TNNI3K: variants seen among roughly 807,000 people sequenced by gnomAD.
TNNI3K encodes serine/threonine-protein kinase TNNI3K.
TNNI3K carries 140 observed loss-of-function variants against 114.5 expected under a neutral mutation model. That is an observed-to-expected ratio of 1.22 (90% CI 1.07 to 1.41). The LOEUF (loss-of-function observed/expected upper bound fraction) is 1.41, where lower values mean the gene tolerates loss of function less well. Among genes scored for constraint, TNNI3K ranks in the 40% most tolerant of loss-of-function variants. The pLI, the probability that TNNI3K is intolerant of heterozygous loss-of-function variation, is 0.00. For synonymous variants in TNNI3K, 347 were observed against 347.5 expected (o/e 1.00, Z 0.02); for missense variants, 1,125 against 1,007.6 (o/e 1.12, Z -1.58).
chr1:74,506,154 T>C (rs1669887311), intron 23 of TNNI3K, among the ~76,000 whole-genome samples: 1 of 152,088 alleles, frequency 6.6e-6, no homozygotes, highest in Non-Finnish European at 1.5e-5. Flanking sequence ...GGCCAAAGGA[T>C]AAAAAGAGAA....
chr1:74,449,255 G>T (rs1396485253), intron 20 of TNNI3K, among the ~76,000 whole-genome samples: 1 of 151,798 alleles, frequency 6.6e-6, no homozygotes, highest in African/African-American at 2.4e-5. Flanking sequence ...TTGCGTAGAG[G>T]TGTTTGTAGT....
chr1:74,416,313 C>T, intron 17 of TNNI3K: 1 of 985,256 alleles, frequency 1.0e-6, no homozygotes. Context: ...GTAGGCACTA[C>T]CAAAAAGGGA....
Position 74,464,609 on chromosome 1 carries a change from G to T in TNNI3K, c.2121+1059G>T, listed in dbSNP as rs1320480753. On this transcript the variant is annotated intron_variant, in intron 21 of 24. Coordinates refer to ENST00000326637, the MANE Select transcript of TNNI3K (RefSeq NM_015978.3). ...CAGTCCAGATGTTTGAAAAGAGAATGCAAATTTTCCATTCTTTTCCTAAAG... is the reference window on the plus strand; with the variant it reads ...CAGTCCAGATGTTTGAAAAGAGAATTCAAATTTTCCATTCTTTTCCTAAAG... The T allele has an allele frequency of 1.9e-6, 3 of 1,546,324 alleles. No individual in the cohort carries two copies. In the African/African-American group the frequency reaches 4.1e-5, roughly 21 times the overall value.
rs577300569 is a variant in TNNI3K at position 74,237,299 on chromosome 1, G to C, written c.149+1089G>C. Among the ~76,000 whole-genome samples the C allele has an allele frequency of 3.3e-5, 5 of 151,958 alleles. No homozygotes were observed. In the East Asian group the frequency reaches 9.7e-4, roughly 29 times the overall value. ...AAGTAGTATCACATGTTGAGATATGGAACTACATTTGAAATTCCTGTAGAA... is the reference window on the plus strand; with the variant it reads ...AAGTAGTATCACATGTTGAGATATGCAACTACATTTGAAATTCCTGTAGAA... On this transcript the variant is annotated intron_variant, in intron 2 of 24. Coordinates refer to ENST00000326637, the MANE Select transcript of TNNI3K (RefSeq NM_015978.3).
chr1:74,387,798 G>C (rs746717147), intron 17 of TNNI3K, among the ~76,000 whole-genome samples: 11 of 152,126 alleles, frequency 7.2e-5, no homozygotes, highest in African/African-American at 2.4e-4. Flanking sequence ...TTATAAAATA[G>C]GGACAATATC....
chr1:74,400,966 G>T (rs1223397090), intron 17 of TNNI3K, among the ~76,000 whole-genome samples: 2 of 152,230 alleles, frequency 1.3e-5, no homozygotes, highest in African/African-American at 4.8e-5. Flanking sequence ...CTAAGAGAAA[G>T]TTGACCTTGG....
At chr1:74,463,667 G>T in intron 21 of TNNI3K, 117 bp downstream of exon 21, 1 of 1,145,286 alleles carries the variant, frequency 8.7e-7, no homozygotes, top group Non-Finnish European at 1.3e-6. Context: ...CGGGAAGACT[G>T]ATTTGCCTTC....
chr1:74,487,102 G>A (rs370071950), intron 21 of TNNI3K, among the ~76,000 whole-genome samples: 2 of 152,304 alleles, frequency 1.3e-5, no homozygotes, highest in East Asian at 3.9e-4. Context: ...TAGCTTGAAG[G>A]AGGACGTTAA....
chr1:74,431,638 A>T (rs775843808), intron 17 of TNNI3K, among the ~76,000 whole-genome samples: 1 of 152,134 alleles, frequency 6.6e-6, no homozygotes, highest in Non-Finnish European at 1.5e-5. Context: ...AAAGAGATAC[A>T]TTACAGTAAA....
intron 5 of TNNI3K, among the ~76,000 whole-genome samples, chr1:74,317,003 T>C (rs1048248633): frequency 1.3e-5 from 2 of 152,100 alleles, no homozygotes; most frequent in Non-Finnish European, 2.9e-5. Flanking sequence ...CCAGCCTCCT[T>C]CTTTTATTTT....
At chr1:74,251,968 T>G (rs1654956487) in intron 4 of TNNI3K, among the ~76,000 whole-genome samples, 1 of 152,230 alleles carries the variant, frequency 6.6e-6, no homozygotes, top group Non-Finnish European at 1.5e-5. Context: ...ATTCTGAGTT[T>G]CCAGTGTAGA....
At chr1:74,280,472 C>T (rs1403288829) in intron 5 of TNNI3K, among the ~76,000 whole-genome samples, 1 of 152,136 alleles carries the variant, frequency 6.6e-6, no homozygotes, top group South Asian at 2.1e-4. Flanking sequence ...TCCCCACCTC[C>T]CCACTAGTGG....
intron 11 of TNNI3K, among the ~76,000 whole-genome samples, chr1:74,365,882 A>G (rs970778793): frequency 1.3e-5 from 2 of 152,058 alleles, no homozygotes; most frequent in African/African-American, 4.8e-5. Context: ...TGATAAGAAA[A>G]TAGACACTAG....
intron 5 of TNNI3K, among the ~76,000 whole-genome samples, chr1:74,310,214 C>T (rs775776120): frequency 9.2e-5 from 14 of 151,990 alleles, no homozygotes; most frequent in Non-Finnish European, 1.8e-4. Context: ...TTACAAGAGC[C>T]ACACACAAAA....
intron 22 of TNNI3K, among the ~76,000 whole-genome samples, chr1:74,491,812 C>T (rs1197520170): frequency 6.6e-6 from 1 of 152,166 alleles, no homozygotes; most frequent in Non-Finnish European, 1.5e-5. Context: ...TAATAACCTT[C>T]TAAATATATT....
Position 74,418,127 on chromosome 1 carries a change from C to T in TNNI3K, c.1773-17953C>T, listed in dbSNP as rs1437964358. On this transcript the variant is annotated intron_variant, in intron 17 of 24. Transcript: ENST00000326637. Reference sequence around the variant, plus strand: ...TTATATGGGACTGTGGGAAGTCTTCCTAAAAGGTAGGAGGTCTTTCCTTTT... The same window carrying T: ...TTATATGGGACTGTGGGAAGTCTTCTTAAAAGGTAGGAGGTCTTTCCTTTT... 5.6e-5 allele frequency: 25 copies of T among 448,822 alleles called. No individual in the cohort carries two copies. In the East Asian group the frequency reaches 9.4e-4, roughly 17 times the overall value. 27.8% of individuals were successfully genotyped at this position (448,822 alleles called of 1,614,324 possible).
chr1:74,406,075 T>A (rs1425604254), intron 17 of TNNI3K, among the ~76,000 whole-genome samples: 1 of 152,220 alleles, frequency 6.6e-6, no homozygotes, highest in Non-Finnish European at 1.5e-5. Context: ...GTTGATCTCC[T>A]ATTGGGAGGC....
chr1:74,407,302 A>C (rs553209068), intron 17 of TNNI3K, among the ~76,000 whole-genome samples: 1 of 152,232 alleles, frequency 6.6e-6, no homozygotes, highest in South Asian at 2.1e-4. Context: ...TAATTGTATA[A>C]AATCTTTTAT....
intron 5 of TNNI3K, among the ~76,000 whole-genome samples, chr1:74,281,407 C>T (rs1657009368): frequency 6.6e-6 from 1 of 151,284 alleles, no homozygotes; most frequent in East Asian, 1.9e-4. Flanking sequence ...AGCACATAAA[C>T]TTTAGGAAAG....
Sources: gnomAD v4.1 joint callset for allele counts (sites outside exome capture counted in the v4.1 genomes callset) on GRCh38, gnomAD v4.1.1 for gene constraint, MANE v1.5 for transcripts, NCBI Gene and HGNC (gene_info 2026-07-23, HGNC 2026-07-21) for gene names.